The following NAV2 variants were observed in gnomAD, a reference collection of about 807,000 sequenced individuals.
NAV2 encodes helicase, APC down-regulated 1.
Under a neutral mutation model 223.2 loss-of-function variants are expected in NAV2, and 54 were observed. The observed-to-expected ratio is 0.24, with a 90% CI of 0.19 to 0.30. NAV2 has a LOEUF of 0.30. Among genes scored for constraint, NAV2 ranks in the 10% least tolerant of loss-of-function variants. The pLI is 1.00. For missense variants in NAV2, 2,806 were observed against 3,147.5 expected (o/e 0.89, Z 2.60); for synonymous variants, 1,279 against 1,239.3 (o/e 1.03, Z -0.67).
intron 11 of NAV2, among the ~76,000 whole-genome samples, chr11:20,000,981 C>A (rs11602997): frequency 0.05 from 7,668 of 152,258 alleles, 272 homozygotes; most frequent in South Asian, 0.11. Context: ...CTGTGTGCCA[C>A]CTGCCTGCTG....
chr11:19,854,170 T>C (rs943934138), intron 3 of NAV2, among the ~76,000 whole-genome samples: 1 of 152,198 alleles, frequency 6.6e-6, no homozygotes, highest in African/African-American at 2.4e-5. Context: ...TATGTCTTCA[T>C]GGAGTTCTTA....
At chr11:20,022,369 G>A (rs2153535411) in intron 11 of NAV2, among the ~76,000 whole-genome samples, 1 of 151,950 alleles carries the variant, frequency 6.6e-6, no homozygotes, top group South Asian at 2.1e-4. Context: ...GTACCATAAT[G>A]TTTAATGTAG....
At chr11:19,883,299 A>T (rs1013064920) in intron 5 of NAV2, among the ~76,000 whole-genome samples, 1 of 152,212 alleles carries the variant, frequency 6.6e-6, no homozygotes, top group African/African-American at 2.4e-5. Context: ...ACTGGCATGA[A>T]GGAATCAGAG....
At chr11:19,467,344 A>G (rs938436924) in intron 1 of NAV2, among the ~76,000 whole-genome samples, 1 of 152,218 alleles carries the variant, frequency 6.6e-6, no homozygotes, top group Non-Finnish European at 1.5e-5. Context: ...TCTTCAAAAT[A>G]ATATTATTTT....
At chr11:19,449,252 C>G (rs1428542739) in intron 1 of NAV2, among the ~76,000 whole-genome samples, 1 of 152,056 alleles carries the variant, frequency 6.6e-6, no homozygotes, top group Non-Finnish European at 1.5e-5. Context: ...GTAGAGGGCT[C>G]TTGAAACACT....
intron 8 of NAV2, among the ~76,000 whole-genome samples, chr11:19,943,418 C>T (rs1013549712): frequency 2.6e-5 from 4 of 152,176 alleles, no homozygotes; most frequent in African/African-American, 9.6e-5. Flanking sequence ...AAATGCCTTC[C>T]AAATTTCTTT....
At chr11:19,712,645 C>G (rs1450851843), upstream of NAV2, 1 of 151,370 alleles carries the variant, frequency 6.6e-6, no homozygotes, top group Non-Finnish European at 1.5e-5. Flanking sequence ...GGGGCAGTGC[C>G]GCAAAGCGGC....
At chr11:19,587,840 C>A (rs77519850) in intron 1 of NAV2, among the ~76,000 whole-genome samples, 23 of 152,322 alleles carry the variant, frequency 1.5e-4, no homozygotes, top group African/African-American at 5.3e-4. Flanking sequence ...AGTTCTCATC[C>A]ACATTTTAGT....
At chr11:19,610,643 A>G (rs2046611479) in intron 1 of NAV2, among the ~76,000 whole-genome samples, 1 of 152,248 alleles carries the variant, frequency 6.6e-6, no homozygotes, top group Admixed American at 6.5e-5. Flanking sequence ...AATCAGCTTC[A>G]GAGCAGCAGA....
At chr11:19,532,164 G>C (rs2044045675) in intron 1 of NAV2, among the ~76,000 whole-genome samples, 1 of 152,134 alleles carries the variant, frequency 6.6e-6, no homozygotes, top group Non-Finnish European at 1.5e-5. Flanking sequence ...AAGTTGGGCA[G>C]TGAAAGATCT....
intron 1 of NAV2, among the ~76,000 whole-genome samples, chr11:19,617,404 G>A (rs1436661006): frequency 2.6e-5 from 4 of 152,166 alleles, no homozygotes; most frequent in Middle Eastern, 3.2e-3. Flanking sequence ...TCAGCCCTCT[G>A]TGGGTATATC....
intron 11 of NAV2, among the ~76,000 whole-genome samples, chr11:20,002,294 T>C (rs1357026718): frequency 6.6e-6 from 1 of 152,218 alleles, no homozygotes; most frequent in African/African-American, 2.4e-5. Flanking sequence ...TCAGGCATAG[T>C]ACTTGCTGGG....
intron 1 of NAV2, among the ~76,000 whole-genome samples, chr11:19,564,232 T>C (rs142477808): frequency 0.012 from 1,829 of 152,294 alleles, 12 homozygotes; most frequent in Middle Eastern, 0.027. Context: ...GGCATAGCGC[T>C]GGTGATCCTT....
chr11:19,412,749 T>C (rs1444905439), intron 1 of NAV2, among the ~76,000 whole-genome samples: 1 of 152,196 alleles, frequency 6.6e-6, no homozygotes, highest in Admixed American at 6.5e-5. Flanking sequence ...TCTTTGCTGT[T>C]CTGCAGCCTC....
intron 32 of NAV2, 42 bp downstream of exon 32, chr11:20,101,214 T>C: frequency 2.1e-6 from 3 of 1,444,604 alleles, no homozygotes; most frequent in Non-Finnish European, 2.9e-6. Flanking sequence ...TTTGGCCCTT[T>C]CAAAACTGAT....
Position 20,080,088 on chromosome 11 carries a change from A to G in NAV2, c.5204A>G (p.Asp1735Gly), listed in dbSNP as rs1366340836. ...GGAAACGGCACTGCCCAGTCTGCAG[A>G]CCTCCGCATCCGCAGGCAGCACTCC... ...CKGNGTAQSA[D>G]LRIRRQHSSD... is the part of the protein sequence containing the mutation. The change falls in exon 25 of 38, where the codon GAC becomes GGC. Residue 1735 changes from aspartate (D) to glycine (G), a missense_variant. Transcript: ENST00000349880. The G allele has an allele frequency of 6.2e-7, 1 of 1,613,890 alleles. No homozygotes were observed. The highest frequency in any genetic ancestry group is 2.2e-5 in the East Asian group (1 of 44,876).
rs1315418941 is a variant in NAV2 at position 19,467,008 on chromosome 11, CACACACACACAGAGAG to C, written c.75+115983_75+115998del. Among the ~76,000 whole-genome samples the C allele has an allele frequency of 1.8e-3, 237 of 133,298 alleles. 2 individuals are homozygous for C. Among genetic ancestry groups the C allele is most frequent in the African/African-American group, 6.2e-3 (226 of 36,230 alleles). The allele number at this position is 133,298 out of a possible 152,430, so 87.4% of individuals were successfully genotyped here. ...CTACACACACACACACACACACACA[CACACACACACAGAGAG>C]AGAGAGAGAGAGAGAGAGAGATAGA... On this transcript the variant is annotated intron_variant, in intron 1 of 37. Coordinates refer to the NAV2 transcript ENST00000360655.
rs112596431 is a variant in NAV2 at position 19,905,390 on chromosome 11, C to T, written c.931+12796C>T. Among the ~76,000 whole-genome samples the T allele has an allele frequency of 4.0e-3, 615 of 152,230 alleles. 4 individuals are homozygous for T. The highest frequency in any genetic ancestry group is 0.014 in the African/African-American group (598 of 41,526). The stretch of plus-strand genomic sequence containing the variant: ...TAATTCCTTGCCCTCATCTAAGAGC[C>T]AGATAGGAATGTTCATGCAAATTAT... On this transcript the variant is annotated intron_variant, in intron 6 of 37. Transcript: ENST00000349880.
At chr11:19,744,718 T>C (rs1425230) in intron 1 of NAV2, among the ~76,000 whole-genome samples, 65,073 of 152,034 alleles carry the variant, frequency 0.43, 14,882 homozygotes, top group East Asian at 0.6. Flanking sequence ...ACAAGTATAT[T>C]CAAATACATC....
Sources: allele counts gnomAD v4.1 joint callset (sites outside exome capture counted in the v4.1 genomes callset), GRCh38; gene constraint gnomAD v4.1.1; transcripts MANE v1.5; gene names NCBI Gene and HGNC (gene_info 2026-07-23, HGNC 2026-07-21).